Variants in PDE7A observed in about 807,000 individuals in gnomAD.
PDE7A encodes the protein phosphodiesterase 7A, also known as high affinity 3',5'-cyclic-AMP phosphodiesterase 7A.
PDE7A carries 39 observed loss-of-function variants against 64.3 expected under a neutral mutation model. The observed-to-expected ratio is 0.61, with a 90% CI of 0.47 to 0.79. The LOEUF is 0.79. PDE7A is among the 30% of genes least tolerant of loss of function. PDE7A has a pLI of 0.00. For missense variants in PDE7A, 470 were observed against 582.8 expected (o/e 0.81, Z 1.99); for synonymous variants, 203 against 206.8 (o/e 0.98, Z 0.16).
At chr8:65,794,269 C>T (rs1033481810) in intron 1 of PDE7A, among the ~76,000 whole-genome samples, 1 of 152,050 alleles carries the variant, frequency 6.6e-6, no homozygotes, top group Non-Finnish European at 1.5e-5. Flanking sequence ...TCTAAGAAAG[C>T]TACTGTTATC....
At chr8:65,825,258 C>A (rs534903852) in intron 1 of PDE7A, among the ~76,000 whole-genome samples, 2 of 151,982 alleles carry the variant, frequency 1.3e-5, no homozygotes, top group Non-Finnish European at 2.9e-5. Context: ...TAACTTTAGT[C>A]CAAAAAAAAT....
intron 3 of PDE7A, among the ~76,000 whole-genome samples, chr8:65,766,456 T>C (rs913777119): frequency 6.6e-6 from 1 of 152,218 alleles, no homozygotes; most frequent in African/African-American, 2.4e-5. Flanking sequence ...GTTATCTTTA[T>C]GGAGTTGAAT....
intron 3 of PDE7A, among the ~76,000 whole-genome samples, chr8:65,771,466 T>C (rs1329001663): frequency 1.3e-5 from 2 of 152,186 alleles, no homozygotes; most frequent in Non-Finnish European, 2.9e-5. Context: ...TAATATCATA[T>C]GTCTTTAACC....
intron 10 of PDE7A, 46 bp from the exon 11 acceptor site, chr8:65,724,397 G>T: frequency 2.3e-6 from 3 of 1,286,924 alleles, no homozygotes; most frequent in Non-Finnish European, 3.4e-6. Context: ...ATACACACTT[G>T]ACAATAATAC....
At chr8:65,780,343 A>C (rs994759334) in intron 2 of PDE7A, among the ~76,000 whole-genome samples, 5 of 152,346 alleles carry the variant, frequency 3.3e-5, no homozygotes, top group South Asian at 2.1e-4. Flanking sequence ...GATGTGTAAA[A>C]ACTTAAAATG....
intron 1 of PDE7A, among the ~76,000 whole-genome samples, chr8:65,824,319 T>C (rs907181575): frequency 1.3e-5 from 2 of 152,202 alleles, no homozygotes; most frequent in East Asian, 3.8e-4. Context: ...GAATTCCTTC[T>C]TACTGATGAG....
chr8:65,809,282 T>A (rs896250112), intron 1 of PDE7A, among the ~76,000 whole-genome samples: 7 of 152,248 alleles, frequency 4.6e-5, no homozygotes, highest in African/African-American at 1.7e-4. Context: ...CCGTATTTTG[T>A]TCCACTTTGA....
rs1165364245 is a variant in PDE7A at position 65,718,189 on chromosome 8, A to T, written c.*1101T>A. On this transcript the variant is annotated 3_prime_UTR_variant, in exon 13 of 13. Coordinates refer to ENST00000401827, the MANE Select transcript of PDE7A (RefSeq NM_001242318.3). ...CCTCCCCCGAGTGTGGCTGCTCATT[A>T]TGTCACATTCTAAAATAATAAATAA... The T allele has an allele frequency of 6.6e-6, 1 of 152,190 alleles. No individual in the cohort carries two copies. The highest frequency in any genetic ancestry group is 1.5e-5 in the Non-Finnish European group (1 of 68,038). 9.4% of individuals were successfully genotyped at this position (152,190 alleles called of 1,614,324 possible). A position where few individuals can be genotyped will look rare whatever the true frequency, so the allele number is the denominator to read the frequency against.
chr8:65,718,826 A>G lies in PDE7A; in HGVS notation c.*464T>C, dbSNP rs1322783515. 6.2e-6 allele frequency: 1 copy of G among 162,364 alleles called. No homozygotes were observed. The highest frequency in any genetic ancestry group is 5.8e-5 in the Admixed American group (1 of 17,348). 10.1% of individuals were successfully genotyped at this position (162,364 alleles called of 1,614,324 possible). ...ATATTTTCAGAGTTGATTTGTAAAC[A>G]TTGTCTTGCCAGAGGCAGCAGAGGC... On this transcript the variant is annotated 3_prime_UTR_variant, in exon 13 of 13. Coordinates refer to ENST00000401827, the MANE Select transcript of PDE7A (RefSeq NM_001242318.3).
At chr8:65,765,917 A>G (rs1563496792) in intron 3 of PDE7A, among the ~76,000 whole-genome samples, 1 of 152,192 alleles carries the variant, frequency 6.6e-6, no homozygotes, top group Non-Finnish European at 1.5e-5. Context: ...AAGTTTAGAG[A>G]CAAATTTAGA....
intron 1 of PDE7A, among the ~76,000 whole-genome samples, chr8:65,811,215 G>C (rs546304172): frequency 6.6e-6 from 1 of 152,128 alleles, no homozygotes. Context: ...AACTCAAGGA[G>C]GTAACTAAAG....
At position 65,739,502 on chromosome 8, in the gene PDE7A, C is replaced by T; in HGVS notation, c.595G>A (p.Val199Ile). The T allele has an allele frequency of 6.5e-7, 1 of 1,548,918 alleles. No individual in the cohort carries two copies. The part of the protein sequence containing the change: ...LDMMKLRRFL[V>I]MIQEDYHSQN... ...CTGTTAATGGGTTAGAATCACTTACCTAAAAATCTACGAAGTTTCATCATA... is the reference window on the plus strand; with the variant it reads ...CTGTTAATGGGTTAGAATCACTTACTTAAAAATCTACGAAGTTTCATCATA... Residue 199 changes from valine to isoleucine, a missense_variant and splice_region_variant, in exon 6 of 13, where the codon GTT (valine) becomes ATT (isoleucine). Physicochemically the swap from Val to Ile is conservative, Grantham distance 29 (BLOSUM62 3). Coordinates refer to ENST00000401827, the MANE Select transcript of PDE7A (RefSeq NM_001242318.3).
At chr8:65,798,825 G>C (rs1200427717) in intron 1 of PDE7A, among the ~76,000 whole-genome samples, 1 of 152,138 alleles carries the variant, frequency 6.6e-6, no homozygotes, top group Non-Finnish European at 1.5e-5. Flanking sequence ...ATTCCTAAAA[G>C]TCAAAGCTGG....
At chr8:65,833,824 C>G (rs1810888685) in intron 1 of PDE7A, among the ~76,000 whole-genome samples, 1 of 151,970 alleles carries the variant, frequency 6.6e-6, no homozygotes, top group African/African-American at 2.4e-5. Flanking sequence ...ATTAGCCAGG[C>G]ATGGTGGGGC....
At chr8:65,736,139 A>AT (rs1563477706) in intron 6 of PDE7A, among the ~76,000 whole-genome samples, 1 of 152,238 alleles carries the variant, frequency 6.6e-6, no homozygotes, top group Non-Finnish European at 1.5e-5. Flanking sequence ...TAGAACGATT[A>AT]TAACAATAAG....
Position 65,726,860 on chromosome 8 carries a change from C to T in PDE7A, c.920+15G>A, listed in dbSNP as rs1179966155. 4 of 1,437,240 alleles carry T rather than the reference C, an allele frequency of 2.8e-6. No individual in the cohort carries two copies. The highest frequency in any genetic ancestry group is 1.7e-5 in the Admixed American group (1 of 57,186). 89.0% of individuals were successfully genotyped at this position (1,437,240 alleles called of 1,614,324 possible). On this transcript the variant is annotated intron_variant, in intron 9 of 12. Transcript: ENST00000401827. The stretch of plus-strand genomic sequence containing the variant: ...ATAACCAGTAACAAATTAAATTTGT[C>T]TTAATCCAACCTACCTGCTTTCTAA...
Position 65,716,148 on chromosome 8 carries a change from CAAA to C in PDE7A, c.*3139_*3141del, listed in dbSNP as rs376045290. 2.3e-5 allele frequency among the ~76,000 whole-genome samples: 2 copies of C among 88,578 alleles called. No individual in the cohort carries two copies. Among genetic ancestry groups the C allele is most frequent in the African/African-American group, 4.2e-5 (1 of 23,692 alleles). 58.1% of individuals were successfully genotyped at this position (88,578 alleles called of 152,430 possible). ...CCTAGTTAGCAGCGAGACCCTGTCT[CAAA>C]AAAAAAAAAAAACAAAAGGGCTATA... On this transcript the variant is annotated 3_prime_UTR_variant, in exon 13 of 13. Coordinates refer to ENST00000401827, the MANE Select transcript of PDE7A (RefSeq NM_001242318.3).
chr8:65,785,855 A>T (rs1034750166), intron 1 of PDE7A, among the ~76,000 whole-genome samples: 11 of 152,056 alleles, frequency 7.2e-5, no homozygotes, highest in Non-Finnish European at 1.3e-4. Flanking sequence ...TAATGTAGGA[A>T]GGGCATTTAC....
intron 1 of PDE7A, among the ~76,000 whole-genome samples, chr8:65,836,007 G>C (rs1411056601): frequency 2.0e-5 from 3 of 152,110 alleles, no homozygotes. Flanking sequence ...CTAAAGTATG[G>C]TAGTATTAAA....
Sources: allele counts gnomAD v4.1 joint callset (sites outside exome capture counted in the v4.1 genomes callset), GRCh38; gene constraint gnomAD v4.1.1; transcripts MANE v1.5; gene names NCBI Gene and HGNC (gene_info 2026-07-23, HGNC 2026-07-21).